NSUN3: variants seen among roughly 807,000 people sequenced by gnomAD.
NSUN3 encodes tRNA (cytosine(34)-C(5))-methyltransferase, mitochondrial.
In NSUN3, 24 loss-of-function variants were observed where a neutral mutation model predicts 36.8. The observed-to-expected ratio is 0.65, with a 90% CI of 0.47 to 0.92. NSUN3 has a LOEUF of 0.92. Among genes scored for constraint, NSUN3 ranks in the 40% least tolerant of loss-of-function variants. NSUN3 has a pLI of 0.00. For synonymous variants in NSUN3, 146 were observed against 145.2 expected (o/e 1.01, Z -0.04); for missense variants, 381 against 392.8 (o/e 0.97, Z 0.25).
intron 3 of NSUN3, among the ~76,000 whole-genome samples, chr3:94,086,022 C>T (rs749847860): frequency 8.6e-5 from 13 of 151,632 alleles, no homozygotes; most frequent in Non-Finnish European, 1.5e-5. Context: ...CAGCTCACTC[C>T]AACCTCTGCC....
At position 94,063,090 on chromosome 3, in the gene NSUN3, C is replaced by T. The variant is rs1406229771; in HGVS notation, c.-37C>T. On this transcript the variant is annotated 5_prime_UTR_variant, in exon 1 of 6. Coordinates refer to ENST00000314622, the MANE Select transcript of NSUN3 (RefSeq NM_022072.5). ...CCCTGGAGGCTTTTTGATACTGATTCGCGTACACCTGTTGTTTGAAAGCTC... is the reference window on the plus strand; with the variant it reads ...CCCTGGAGGCTTTTTGATACTGATTTGCGTACACCTGTTGTTTGAAAGCTC... 13 of 1,613,458 alleles carry T rather than the reference C, an allele frequency of 8.1e-6. No individual in the cohort carries two copies. The highest frequency in any genetic ancestry group is 1.0e-5 in the Non-Finnish European group (12 of 1,179,668).
At chr3:94,099,961 C>A (rs2077358441) in intron 5 of NSUN3, among the ~76,000 whole-genome samples, 1 of 152,044 alleles carries the variant, frequency 6.6e-6, no homozygotes, top group South Asian at 2.1e-4. Context: ...CCTTTTATTT[C>A]ACAATATGAA....
chr3:94,091,437 G>C (rs79079857), intron 3 of NSUN3, among the ~76,000 whole-genome samples: 3 of 151,818 alleles, frequency 2.0e-5, no homozygotes, highest in Admixed American at 2.0e-4. Context: ...ATAGGAGTTA[G>C]AAAAAAAATG....
intron 2 of NSUN3, chr3:94,077,028 C>G (rs1337630896): frequency 1.2e-6 from 1 of 831,300 alleles, no homozygotes; most frequent in Admixed American, 1.7e-5. Context: ...CACCTGGAAG[C>G]CACTGGGCAG....
chr3:94,096,834 T>A (rs2107257309), intron 5 of NSUN3, among the ~76,000 whole-genome samples: 1 of 152,284 alleles, frequency 6.6e-6, no homozygotes, highest in East Asian at 1.9e-4. Flanking sequence ...ACACCAGCCT[T>A]GCCATTGTTA....
At chr3:94,070,355 G>T (rs979220758) in intron 2 of NSUN3, among the ~76,000 whole-genome samples, 6 of 152,066 alleles carry the variant, frequency 3.9e-5, no homozygotes, top group Admixed American at 3.9e-4. Context: ...CAACTACTTG[G>T]GAGACTGAGG....
At chr3:94,115,460 A>G (rs909034889) in intron 5 of NSUN3, among the ~76,000 whole-genome samples, 2 of 152,200 alleles carry the variant, frequency 1.3e-5, no homozygotes. Flanking sequence ...AAATATATTA[A>G]TCATAGTATA....
At chr3:94,086,434 G>A (rs961981760) in intron 3 of NSUN3, among the ~76,000 whole-genome samples, 1 of 152,238 alleles carries the variant, frequency 6.6e-6, no homozygotes, top group African/African-American at 2.4e-5. Flanking sequence ...GGAAGTTGAT[G>A]ATCTGAAAAT....
Position 94,126,494 on chromosome 3 carries a change from G to A in NSUN3, c.*4G>A. 6.2e-7 allele frequency: 1 copy of A among 1,602,596 alleles called. No homozygotes were observed. Among genetic ancestry groups the A allele is most frequent in the Non-Finnish European group, 8.5e-7 (1 of 1,171,066 alleles). On this transcript the variant is annotated 3_prime_UTR_variant, in exon 6 of 6. Coordinates refer to ENST00000314622, the MANE Select transcript of NSUN3 (RefSeq NM_022072.5). The stretch of plus-strand genomic sequence containing the variant: ...ATGGAGCACAGGAAAATGGTGACAT[G>A]AATTTGTAAACTGTGTTTATGTGTT...
chr3:94,126,768 A>G lies in NSUN3; in HGVS notation c.*278A>G, dbSNP rs2077488351. On this transcript the variant is annotated 3_prime_UTR_variant, in exon 6 of 6. Transcript: ENST00000314622. Reference sequence around the variant, plus strand: ...TTGGCATTTTATAGTTAAATTAATTAGAATATGTGGTTTTATGCATAACGT... The same window carrying G: ...TTGGCATTTTATAGTTAAATTAATTGGAATATGTGGTTTTATGCATAACGT... 6.6e-6 allele frequency: 2 copies of G among 302,600 alleles called. No homozygotes were observed. Among genetic ancestry groups the G allele is most frequent in the African/African-American group, 4.3e-5 (2 of 46,598 alleles). 18.7% of individuals were successfully genotyped at this position (302,600 alleles called of 1,614,324 possible).
chr3:94,110,411 CT>C (rs2077411431), intron 5 of NSUN3, among the ~76,000 whole-genome samples: 1 of 151,586 alleles, frequency 6.6e-6, no homozygotes, highest in African/African-American at 2.4e-5. Flanking sequence ...GTTACAAAAT[CT>C]TTTCAACCCT....
chr3:94,063,590 A>G (rs565428712), intron 1 of NSUN3, among the ~76,000 whole-genome samples: 3 of 152,046 alleles, frequency 2.0e-5, no homozygotes, highest in East Asian at 1.9e-4. Context: ...CCTTTCACCA[A>G]TTTTTCTTGA....
chr3:94,071,698 A>T (rs9843295), intron 2 of NSUN3, among the ~76,000 whole-genome samples: 1 of 152,006 alleles, frequency 6.6e-6, no homozygotes, highest in Non-Finnish European at 1.5e-5. Context: ...TCTGCTGGCT[A>T]CTGAGGTACT....
intron 4 of NSUN3, 121 bp downstream of exon 4, chr3:94,094,415 G>T: frequency 1.1e-6 from 1 of 942,592 alleles, no homozygotes; most frequent in South Asian, 2.1e-5. Flanking sequence ...TCAGTACCCT[G>T]GAAAATTTTG....
At chr3:94,084,666 C>A (rs1242248022) in intron 3 of NSUN3, 4 of 456,172 alleles carry the variant, frequency 8.8e-6, no homozygotes, top group African/African-American at 2.0e-5. Context: ...TGATTGGGAA[C>A]AAAACTTCAA....
At chr3:94,083,948 A>G (rs2077281573) in intron 2 of NSUN3, among the ~76,000 whole-genome samples, 159 bp from the exon 3 acceptor site, 1 of 152,192 alleles carries the variant, frequency 6.6e-6, no homozygotes, top group Non-Finnish European at 1.5e-5. Flanking sequence ...TCAGAGGCTC[A>G]TGAGGCAAAA....
chr3:94,082,040 T>A (rs748884350), intron 2 of NSUN3: 1 of 152,210 alleles, frequency 6.6e-6, no homozygotes, highest in African/African-American at 2.4e-5. Flanking sequence ...AGTGTTCTAC[T>A]CCTTTTTAGC....
intron 5 of NSUN3, among the ~76,000 whole-genome samples, chr3:94,108,924 C>T (rs1255819481): frequency 6.6e-6 from 1 of 152,220 alleles, no homozygotes; most frequent in African/African-American, 2.4e-5. Flanking sequence ...CTCGGCCTCC[C>T]AAAGTGCTGG....
In NSUN3 at chr3:94,084,134, G is replaced by A. The variant is rs779924826; in HGVS notation, c.150G>A (p.Trp50Ter). The A allele has an allele frequency of 8.8e-5, 142 of 1,613,300 alleles. 4 individuals are homozygous for A. In the East Asian group the frequency reaches 3.1e-3, roughly 35 times the overall value. The change falls in exon 3 of 6, where the codon TGG (tryptophan) becomes TGA (stop). Residue 50 changes from tryptophan to a stop codon, truncating the protein, a stop_gained. Coordinates refer to ENST00000314622, the MANE Select transcript of NSUN3 (RefSeq NM_022072.5). LOFTEE classifies it high-confidence loss of function. ...AGATACTAACATCTCCATCATGCTG[G>A]CAATATGCTGTCCTGCTTAACCGAT... Reference protein sequence around the residue: ...VREILTSPSCWQYAVLLNRFN... With the variant: ...VREILTSPSC
Sources: allele counts gnomAD v4.1 joint callset (sites outside exome capture counted in the v4.1 genomes callset), GRCh38; gene constraint gnomAD v4.1.1; transcripts MANE v1.5; gene names NCBI Gene and HGNC (gene_info 2026-07-23, HGNC 2026-07-21).